The following MAP3K14 variants were observed in gnomAD, a reference collection of about 807,000 sequenced individuals.
MAP3K14 encodes mitogen-activated protein kinase kinase kinase 14, also known as NF-kappa-beta-inducing kinase.
MAP3K14 carries 16 observed loss-of-function variants against 99.2 expected under a neutral mutation model. The ratio of observed to expected loss-of-function variants is 0.16; its 90% CI spans 0.11 to 0.24. MAP3K14 has a LOEUF of 0.24. MAP3K14 is among the 10% of genes least tolerant of loss of function. The pLI, the probability that MAP3K14 is intolerant of heterozygous loss-of-function variation, is 1.00. For missense variants in MAP3K14, 784 were observed against 1,208.7 expected, an observed-to-expected ratio of 0.65 and a Z score of 5.21; for synonymous variants, 462 against 492.4, an observed-to-expected ratio of 0.94 and a Z score of 0.82.
intron 1 of MAP3K14, among the ~76,000 whole-genome samples, chr17:45,302,751 T>C (rs984466243): frequency 6.6e-6 from 1 of 152,246 alleles, no homozygotes; most frequent in Admixed American, 6.5e-5. Context: ...TGCGCGCACA[T>C]GCACACACAT....
intron 10 of MAP3K14, chr17:45,270,818 G>A (rs2143783536): frequency 2.7e-6 from 2 of 746,274 alleles, no homozygotes; most frequent in Middle Eastern, 2.9e-4. Context: ...GCAGGTGGAT[G>A]GGGCCCAGGG....
At chr17:45,273,471 T>G in intron 9 of MAP3K14, 32 bp downstream of exon 9, 1 of 1,509,080 alleles carries the variant, frequency 6.6e-7, no homozygotes, top group Non-Finnish European at 9.1e-7. Context: ...ATGAATGCAT[T>G]GGGGGGCACG....
chr17:45,305,178 A>G (rs2143862379), intron 1 of MAP3K14, among the ~76,000 whole-genome samples: 1 of 152,030 alleles, frequency 6.6e-6, no homozygotes, highest in Middle Eastern at 3.4e-3. Flanking sequence ...GCTCACTGCA[A>G]GCTCTGCCTG....
In MAP3K14 at chr17:45,287,340, G is replaced by A; in HGVS notation, c.351C>T (p.Ile117=). 1 of 1,614,010 alleles carries A rather than the reference G, an allele frequency of 6.2e-7. No homozygotes were observed. Among genetic ancestry groups the A allele is most frequent in the East Asian group, 2.2e-5 (1 of 44,890 alleles). ...CTGTAGCATGGGCCACATTGTTGGGGATCTGATCAAGACTCTCGGACTGGC... is the reference window on the plus strand; with the variant it reads ...CTGTAGCATGGGCCACATTGTTGGGAATCTGATCAAGACTCTCGGACTGGC... ...QYSQSESLDQ[I]PNNVAHATEG... Residue 117 remains isoleucine, a synonymous_variant, in exon 4 of 16, where the codon ATC becomes ATT. Coordinates refer to ENST00000344686, the MANE Select transcript of MAP3K14 (RefSeq NM_003954.5).
chr17:45,272,775 A>G lies in MAP3K14; in HGVS notation c.1657+728T>C, dbSNP rs1490235491. Among the ~76,000 whole-genome samples, 4 of 152,174 alleles carry G rather than the reference A, an allele frequency of 2.6e-5. No homozygotes were observed. The highest frequency in any genetic ancestry group is 6.5e-5 in the Admixed American group (1 of 15,278). On this transcript the variant is annotated intron_variant, in intron 9 of 15. Transcript: ENST00000344686. This position sits in a 1 kb window ranked among gnomAD's most constrained non-coding sequence, Gnocchi z 4.1. Reference sequence around the variant, plus strand: ...GCCAATATGGCAAAACCCCGTCCCTACTAAAAATACAAAAATTAGCTGGGC... The same window carrying G: ...GCCAATATGGCAAAACCCCGTCCCTGCTAAAAATACAAAAATTAGCTGGGC...
chr17:45,265,282 G>C lies in MAP3K14; in HGVS notation c.2579-19C>G, dbSNP rs1387953587. The C allele has an allele frequency of 1.9e-6, 3 of 1,549,832 alleles. No homozygotes were observed. Among genetic ancestry groups the C allele is most frequent in the Non-Finnish European group, 2.7e-6 (3 of 1,121,388 alleles). On this transcript the variant is annotated intron_variant, in intron 14 of 15. Coordinates refer to ENST00000344686, the MANE Select transcript of MAP3K14 (RefSeq NM_003954.5). ...TTCACACCTAGAAGGCGGACAAGGTGATAGTCAGGAGAGCGGCTGCTGGCT... is the reference window on the plus strand; with the variant it reads ...TTCACACCTAGAAGGCGGACAAGGTCATAGTCAGGAGAGCGGCTGCTGGCT...
intron 6 of MAP3K14, among the ~76,000 whole-genome samples, chr17:45,284,561 A>C (rs1598253932): frequency 6.6e-6 from 1 of 152,214 alleles, no homozygotes; most frequent in South Asian, 2.1e-4. Flanking sequence ...GTATTGAGAC[A>C]CCGAGGCCAC....
In MAP3K14 at chr17:45,306,836, C is replaced by T. The variant is rs1279283248; in HGVS notation, c.-21+10124G>A. The stretch of plus-strand genomic sequence containing the variant: ...ATAGAAAAGACGCCACAGGGGGCAT[C>T]ATGGATCCACAAAGACCCAATATGC... On this transcript the variant is annotated intron_variant, in intron 1 of 15. Coordinates refer to ENST00000344686, the MANE Select transcript of MAP3K14 (RefSeq NM_003954.5). Among the ~76,000 whole-genome samples the T allele has an allele frequency of 2.6e-5, 4 of 152,298 alleles. No individual in the cohort carries two copies. In the East Asian group the frequency reaches 7.7e-4, roughly 29 times the overall value.
intron 6 of MAP3K14, among the ~76,000 whole-genome samples, chr17:45,276,310 G>A (rs9972936): frequency 0.53 from 80,133 of 151,926 alleles, 21,280 homozygotes; most frequent in Non-Finnish European, 0.54. Context: ...TCCTGGCTCC[G>A]CCTTTTAAAA....
At chr17:45,275,414 G>A (rs1235149191) in intron 6 of MAP3K14, among the ~76,000 whole-genome samples, 1 of 148,866 alleles carries the variant, frequency 6.7e-6, no homozygotes, top group Non-Finnish European at 1.5e-5. Flanking sequence ...GTTGCAATGA[G>A]CCAAGGTCGC....
At chr17:45,289,584 A>G (rs1259543627) in intron 2 of MAP3K14, among the ~76,000 whole-genome samples, 1 of 152,228 alleles carries the variant, frequency 6.6e-6, no homozygotes, top group East Asian at 1.9e-4. Flanking sequence ...CTCACTTCCT[A>G]TGAAGCTGAA....
chr17:45,289,680 T>A (rs2044295512), intron 2 of MAP3K14, among the ~76,000 whole-genome samples: 1 of 152,228 alleles, frequency 6.6e-6, no homozygotes, highest in African/African-American at 2.4e-5. Flanking sequence ...TGTGTACATA[T>A]AAGTGTGGAT....
chr17:45,285,967 TAAAA>T (rs549960630), intron 5 of MAP3K14, among the ~76,000 whole-genome samples: 1 of 125,502 alleles, frequency 8.0e-6, no homozygotes, highest in African/African-American at 2.8e-5. Context: ...ACACATTTAT[TAAAA>T]AAAAAAAAAA....
chr17:45,282,728 A>AG (rs531702630), intron 6 of MAP3K14, among the ~76,000 whole-genome samples: 2 of 152,058 alleles, frequency 1.3e-5, no homozygotes, highest in African/African-American at 4.8e-5. Context: ...AAGGAGCATC[A>AG]GGGGGGCACA....
rs1166120332 is a variant in MAP3K14, at chr17:45,287,383, A to T, written c.327-19T>A. 6.2e-7 allele frequency: 1 copy of T among 1,606,852 alleles called. No individual in the cohort carries two copies. The highest frequency in any genetic ancestry group is 1.3e-5 in the African/African-American group (1 of 74,898). On this transcript the variant is annotated intron_variant, in intron 3 of 15. Coordinates refer to ENST00000344686, the MANE Select transcript of MAP3K14 (RefSeq NM_003954.5). The stretch of plus-strand genomic sequence containing the variant: ...GGACTGGCTGTCACAAAAGGGACAG[A>T]TTTGCATATTGAGCACGAGGAAGCA...
At chr17:45,292,507 G>T (rs568133522) in intron 1 of MAP3K14, among the ~76,000 whole-genome samples, 30 of 152,290 alleles carry the variant, frequency 2.0e-4, no homozygotes, top group Middle Eastern at 3.4e-3. Flanking sequence ...GCTGCAGTGA[G>T]CTGAGATTGC....
intron 1 of MAP3K14, among the ~76,000 whole-genome samples, chr17:45,298,787 C>T (rs1194770514): frequency 1.3e-5 from 2 of 152,188 alleles, no homozygotes; most frequent in Non-Finnish European, 2.9e-5. Context: ...GACACTGTCC[C>T]TTGAGGATCT....
Position 45,270,523 on chromosome 17 carries a change from G to A in MAP3K14, c.1862C>T (p.Ser621Phe). Residue 621 changes from serine (S) to phenylalanine (F), a missense_variant, in exon 11 of 16, where the codon TCC (serine) becomes TTC (phenylalanine). By Grantham distance (155) the Ser-to-Phe change is radical. Around this residue, in one of 5 missense-constraint regions of MAP3K14, gnomAD observed 200 missense variants for 367.9 expected, o/e 0.54. Coordinates refer to ENST00000344686, the MANE Select transcript of MAP3K14 (RefSeq NM_003954.5). ...GGCCTGGGCTGTGAGAGGGGCGCAG[G>A]AGGGTGGGATCTCCCTCACAGGCGG... ...EPPPVREIPP[S>F]CAPLTAQAIQ... is the part of the protein sequence containing the mutation. 6.3e-7 allele frequency: 1 copy of A among 1,585,988 alleles called. No individual in the cohort carries two copies. The highest frequency in any genetic ancestry group is 1.4e-5 in the African/African-American group (1 of 73,612).
intron 6 of MAP3K14, among the ~76,000 whole-genome samples, chr17:45,279,092 G>T (rs182191065): frequency 1.4e-3 from 214 of 152,282 alleles, no homozygotes; most frequent in African/African-American, 4.2e-3. Context: ...GAACACTGGG[G>T]ATCACTTTTT....
Sources: allele counts gnomAD v4.1 joint callset (sites outside exome capture counted in the v4.1 genomes callset), GRCh38; gene constraint gnomAD v4.1.1; regional missense constraint gnomAD v4.1.1; non-coding constraint Gnocchi (gnomAD v3.1); transcripts MANE v1.5; gene names NCBI Gene and HGNC (gene_info 2026-07-23, HGNC 2026-07-21).